The following TMEM108 variants were observed in gnomAD, a reference collection of about 807,000 sequenced individuals.
The protein encoded by TMEM108 is transmembrane protein 108.
In TMEM108, 12 loss-of-function variants were observed where a neutral mutation model predicts 35.1. The observed-to-expected ratio is 0.34, with a 90% CI of 0.22 to 0.55. The LOEUF (loss-of-function observed/expected upper bound fraction) is 0.55. TMEM108 is among the 20% of genes least tolerant of loss of function. TMEM108 has a pLI of 0.89. For synonymous variants in TMEM108, 287 were observed against 308.6 expected (o/e 0.93, Z 0.73); for missense variants, 680 against 753.3 (o/e 0.90, Z 1.14).
chr3:133,199,983 A>C (rs926075894), intron 2 of TMEM108, among the ~76,000 whole-genome samples: 15 of 152,204 alleles, frequency 9.9e-5, no homozygotes, highest in African/African-American at 3.6e-4. Flanking sequence ...CCCCTACCCC[A>C]GCCTCACTGC....
At chr3:133,306,829 CGT>C (rs755833797) in intron 3 of TMEM108, among the ~76,000 whole-genome samples, 5 of 151,354 alleles carry the variant, frequency 3.3e-5, no homozygotes, top group African/African-American at 4.8e-5. Context: ...AGTAAACATA[CGT>C]GTGTGTGTGT....
chr3:133,156,345 C>T (rs1944881751), intron 2 of TMEM108, among the ~76,000 whole-genome samples: 2 of 152,094 alleles, frequency 1.3e-5, no homozygotes, highest in Admixed American at 6.6e-5. Flanking sequence ...TTTAGAGATA[C>T]CGTACATGTA....
chr3:133,215,609 G>C (rs577192823), intron 2 of TMEM108, among the ~76,000 whole-genome samples: 1 of 152,064 alleles, frequency 6.6e-6, no homozygotes, highest in Non-Finnish European at 1.5e-5. Context: ...ATAAGTTGAA[G>C]AGTTTTTGTT....
intron 2 of TMEM108, among the ~76,000 whole-genome samples, chr3:133,066,530 T>G (rs371264743): frequency 4.6e-5 from 7 of 152,262 alleles, no homozygotes; most frequent in East Asian, 1.9e-4. Flanking sequence ...CATGGACACA[T>G]ATATGAAGCG....
chr3:133,186,898 G>A (rs1194437244), intron 2 of TMEM108, among the ~76,000 whole-genome samples: 7 of 152,098 alleles, frequency 4.6e-5, no homozygotes, highest in Admixed American at 4.6e-4. Context: ...GTGTATGTGT[G>A]TGTGTGTTTT....
intron 2 of TMEM108, among the ~76,000 whole-genome samples, chr3:133,137,599 G>A (rs1033295804): frequency 6.6e-6 from 1 of 152,134 alleles, no homozygotes; most frequent in East Asian, 1.9e-4. Context: ...TAGACCATTT[G>A]TCAGATATGT....
At chr3:133,239,561 G>A (rs570717533) in intron 3 of TMEM108, among the ~76,000 whole-genome samples, 71 of 152,234 alleles carry the variant, frequency 4.7e-4, no homozygotes, top group Admixed American at 1.5e-3. Flanking sequence ...TTGATCTCTG[G>A]TTCTTAAACT....
intron 3 of TMEM108, among the ~76,000 whole-genome samples, chr3:133,362,920 G>A (rs1351946401): frequency 1.3e-5 from 2 of 152,080 alleles, no homozygotes; most frequent in Admixed American, 1.3e-4. Flanking sequence ...TTTGTTCTTG[G>A]CTCTCTTTAG....
chr3:133,347,573 G>A (rs1396947103), intron 3 of TMEM108, among the ~76,000 whole-genome samples: 1 of 152,006 alleles, frequency 6.6e-6, no homozygotes, highest in African/African-American at 2.4e-5. Context: ...TGGCAATCAT[G>A]TCATCTGCAA....
chr3:133,137,810 T>C (rs1316019229), intron 2 of TMEM108, among the ~76,000 whole-genome samples: 1 of 152,110 alleles, frequency 6.6e-6, no homozygotes, highest in Non-Finnish European at 1.5e-5. Context: ...AAGGAACATA[T>C]AAAGGTTGTC....
intron 2 of TMEM108, among the ~76,000 whole-genome samples, chr3:133,068,936 A>G (rs1031383596): frequency 2.0e-5 from 3 of 152,156 alleles, no homozygotes; most frequent in Non-Finnish European, 4.4e-5. Flanking sequence ...CAATATAGAC[A>G]GGGAAGGATG....
rs371059488 is a variant in TMEM108, at chr3:133,176,337, A to C, written c.-46-52929A>C. ...CCAAGTGGACCTAATAGACATCTAC[A>C]GAACTCTCCACCCCAAATCAACAGA... On this transcript the variant is annotated intron_variant, in intron 2 of 5. Transcript: ENST00000321871. Among the ~76,000 whole-genome samples, 46 of 152,344 alleles carry C rather than the reference A, an allele frequency of 3.0e-4. 1 individual carries two copies. In the East Asian group the frequency reaches 5.0e-3, roughly 17 times the overall value.
At chr3:133,394,473 C>T (rs1343201361) in intron 5 of TMEM108, among the ~76,000 whole-genome samples, 3 of 152,212 alleles carry the variant, frequency 2.0e-5, no homozygotes, top group Non-Finnish European at 4.4e-5. Context: ...TCCTTCTCTC[C>T]TCCCTTCTTT....
intron 3 of TMEM108, among the ~76,000 whole-genome samples, chr3:133,365,228 A>G (rs2072470732): frequency 6.6e-6 from 1 of 152,208 alleles, no homozygotes; most frequent in Admixed American, 6.5e-5. Flanking sequence ...CATCCACTAC[A>G]TCAACCCGAT....
chr3:133,068,693 A>C (rs991632820), intron 2 of TMEM108, among the ~76,000 whole-genome samples: 1 of 152,158 alleles, frequency 6.6e-6, no homozygotes, highest in Non-Finnish European at 1.5e-5. Context: ...TGTTCAAAAC[A>C]ATCACAAAAT....
At chr3:133,058,553 C>A (rs908251580) in intron 2 of TMEM108, among the ~76,000 whole-genome samples, 1 of 152,184 alleles carries the variant, frequency 6.6e-6, no homozygotes, top group Non-Finnish European at 1.5e-5. Context: ...TGGCTACTCC[C>A]GTGCCTACAG....
intron 3 of TMEM108, among the ~76,000 whole-genome samples, chr3:133,342,576 G>A (rs1191509510): frequency 2.1e-4 from 7 of 33,120 alleles, no homozygotes; most frequent in Non-Finnish European, 4.4e-4. Flanking sequence ...ACACAATGGA[G>A]TACTCTGCAG....
At chr3:133,245,885 T>A (rs981639652) in intron 3 of TMEM108, among the ~76,000 whole-genome samples, 11 of 151,812 alleles carry the variant, frequency 7.2e-5, no homozygotes, top group Non-Finnish European at 1.3e-4. Context: ...ATATTTGTAT[T>A]TAAACCAATG....
intron 2 of TMEM108, among the ~76,000 whole-genome samples, chr3:133,073,510 C>CTCTCTCTATATATATATATA: frequency 3.9e-4 from 17 of 43,892 alleles, no homozygotes; most frequent in East Asian, 9.1e-4. Context: ...CTCTCTCTCT[C>CTCTCTCTATATATATATATA]TATATATATA....
Sources: gnomAD v4.1 joint callset for allele counts (sites outside exome capture counted in the v4.1 genomes callset) on GRCh38, gnomAD v4.1.1 for gene constraint, MANE v1.5 for transcripts, NCBI Gene and HGNC (gene_info 2026-07-23, HGNC 2026-07-21) for gene names.